DIAPH1: variants seen among roughly 807,000 people sequenced by gnomAD.
The protein encoded by DIAPH1 is diaphanous related formin 1.
In DIAPH1, 46 loss-of-function variants were observed where a neutral mutation model predicts 140.7. That is an observed-to-expected ratio of 0.33 (90% CI 0.26 to 0.42). DIAPH1 has a LOEUF of 0.42. Among genes scored for constraint, DIAPH1 ranks in the 10% least tolerant of loss-of-function variants. The pLI, the probability that DIAPH1 is intolerant of heterozygous loss-of-function variation, is 1.00. For missense variants in DIAPH1, 1,310 were observed against 1,558.7 expected, an observed-to-expected ratio of 0.84 and a Z score of 2.69; for synonymous variants, 565 against 551.6, an observed-to-expected ratio of 1.02 and a Z score of -0.34.
chr5:141,525,945 G>A (rs1361382930), intron 26 of DIAPH1, 93 bp downstream of exon 26: 1 of 1,594,460 alleles, frequency 6.3e-7, no homozygotes, highest in Non-Finnish European at 8.5e-7. Flanking sequence ...GCCAGGAGGT[G>A]AGCTCAGACA....
chr5:141,555,799 T>A (rs1221364558), intron 18 of DIAPH1, among the ~76,000 whole-genome samples: 1 of 152,184 alleles, frequency 6.6e-6, no homozygotes, highest in African/African-American at 2.4e-5. Flanking sequence ...GGTTAAAAAG[T>A]GGCCGTGCCA....
intron 20 of DIAPH1, 79 bp downstream of exon 20, chr5:141,529,524 C>T (rs1037031738): frequency 3.9e-5 from 46 of 1,179,722 alleles, no homozygotes; most frequent in Admixed American, 1.0e-4. Context: ...GAGGAGGATC[C>T]TCTTCATCTA....
At chr5:141,601,384 G>A (rs2099900118) in intron 1 of DIAPH1, among the ~76,000 whole-genome samples, 1 of 151,938 alleles carries the variant, frequency 6.6e-6, no homozygotes, top group African/African-American at 2.4e-5. Flanking sequence ...CGCCTTCTAG[G>A]TTCAAGTGAT....
rs555096481 is a variant in DIAPH1 at position 141,615,122 on chromosome 5, A to G, written c.117+3676T>C. Among the ~76,000 whole-genome samples the G allele has an allele frequency of 4.6e-5, 7 of 152,310 alleles. No homozygotes were observed. The East Asian group carries it at 1.2e-3, about 25-fold the overall frequency. ...GGAATCCAAAATTAAACTAATTTTA[A>G]TAATTTTAATAATAGTAAAAATCAT... On this transcript the variant is annotated intron_variant, in intron 1 of 27. Coordinates refer to ENST00000389054, the MANE Select transcript of DIAPH1 (RefSeq NM_005219.5).
At chr5:141,530,002 T>G (rs2099887969) in intron 19 of DIAPH1, among the ~76,000 whole-genome samples, 1 of 152,158 alleles carries the variant, frequency 6.6e-6, no homozygotes, top group Non-Finnish European at 1.5e-5. Context: ...GAGGATCACC[T>G]GAGCCCAGGA....
intron 18 of DIAPH1, 82 bp downstream of exon 18, chr5:141,571,346 A>G: frequency 8.2e-7 from 1 of 1,226,056 alleles, no homozygotes; most frequent in Non-Finnish European, 1.2e-6. Flanking sequence ...TCAGTTTTCT[A>G]ATGAGAAATT....
intron 1 of DIAPH1, among the ~76,000 whole-genome samples, chr5:141,612,672 A>G (rs944745583): frequency 1.3e-5 from 2 of 152,182 alleles, no homozygotes; most frequent in East Asian, 1.9e-4. Context: ...ACAAAGAGAG[A>G]AGGAGGAAAC....
chr5:141,604,299 A>C (rs1224775177), intron 1 of DIAPH1, among the ~76,000 whole-genome samples: 1 of 152,158 alleles, frequency 6.6e-6, no homozygotes, highest in African/African-American at 2.4e-5. Context: ...ACAAAACATA[A>C]TGTTAACCAA....
At chr5:141,543,553 G>C (rs1353375243) in intron 18 of DIAPH1, among the ~76,000 whole-genome samples, 1 of 152,148 alleles carries the variant, frequency 6.6e-6, no homozygotes, top group Non-Finnish European at 1.5e-5. Flanking sequence ...AGTAGAAATT[G>C]TACTTCAAAT....
chr5:141,576,836 G>T lies in DIAPH1; in HGVS notation c.1316C>A (p.Ser439Tyr). The T allele has an allele frequency of 1.2e-6, 2 of 1,613,598 alleles. No homozygotes were observed. The highest frequency in any genetic ancestry group is 1.7e-6 in the Non-Finnish European group (2 of 1,179,564). The change falls in exon 13 of 28, where the codon TCC (serine) becomes TAC (tyrosine). Residue 439 changes from serine (S) to tyrosine (Y), a missense_variant. Physicochemically the swap from Ser to Tyr is moderately radical, Grantham distance 144. Transcript: ENST00000389054. ...CCCGTTCTTGTGCAGAACTATCTGG[G>T]AAATACATTCTTCAATCAACTTATA... ...QYYKLIEECI[S>Y]QIVLHKNGAD... is the part of the protein sequence containing the mutation.
At chr5:141,536,748 A>G (rs1005214247) in intron 18 of DIAPH1, among the ~76,000 whole-genome samples, 3 of 152,172 alleles carry the variant, frequency 2.0e-5, no homozygotes, top group African/African-American at 7.2e-5. Flanking sequence ...TAACAAATGC[A>G]AAGGCCTGAG....
intron 1 of DIAPH1, among the ~76,000 whole-genome samples, chr5:141,601,223 T>C (rs183371826): frequency 5.1e-5 from 7 of 137,570 alleles, no homozygotes; most frequent in Admixed American, 1.5e-4. Flanking sequence ...ACTTAAAGTA[T>C]AATAAATAAA....
chr5:141,517,132 C>T (rs2099885805), intron 27 of DIAPH1, 124 bp from the exon 28 acceptor site: 1 of 1,093,770 alleles, frequency 9.1e-7, no homozygotes, highest in Non-Finnish European at 1.3e-6. Flanking sequence ...CACAGAGGCC[C>T]TTACTTTGAA....
intron 27 of DIAPH1, among the ~76,000 whole-genome samples, chr5:141,518,412 C>T (rs1369255422): frequency 6.6e-6 from 1 of 151,580 alleles, no homozygotes; most frequent in African/African-American, 2.4e-5. Flanking sequence ...ATGAAAGAGC[C>T]GAGCACTCCT....
chr5:141,616,455 C>CT (rs1473671733), intron 1 of DIAPH1, among the ~76,000 whole-genome samples: 8 of 152,160 alleles, frequency 5.3e-5, no homozygotes, highest in African/African-American at 1.4e-4. Flanking sequence ...GGCGAAAGAC[C>CT]TTTGAGTTCA....
intron 18 of DIAPH1, among the ~76,000 whole-genome samples, chr5:141,553,053 C>G (rs1394327917): frequency 6.6e-6 from 1 of 151,080 alleles, no homozygotes; most frequent in Non-Finnish European, 1.5e-5. Flanking sequence ...CTTTGGGAGG[C>G]TGACGCGGGC....
intron 1 of DIAPH1, among the ~76,000 whole-genome samples, chr5:141,596,203 CGCGTCTGTAGTGCCA>C (rs2099899297): frequency 6.6e-6 from 1 of 151,978 alleles, no homozygotes; most frequent in South Asian, 2.1e-4. Context: ...CGTGGTGGCA[CGCGTCTGTAGTGCCA>C]GCTACTCGGG....
intron 1 of DIAPH1, among the ~76,000 whole-genome samples, chr5:141,611,809 G>A (rs2099901884): frequency 6.6e-6 from 1 of 152,220 alleles, no homozygotes; most frequent in Admixed American, 6.5e-5. Flanking sequence ...GCTCACGCCT[G>A]TAATCCCAGC....
Position 141,516,633 on chromosome 5 carries a change from C to T in DIAPH1, c.*218G>A, listed in dbSNP as rs1252012818. 3.2e-5 allele frequency: 19 copies of T among 602,080 alleles called. No individual in the cohort carries two copies. Among genetic ancestry groups the T allele is most frequent in the South Asian group, 1.7e-4 (9 of 52,084 alleles). The allele number at this position is 602,080 out of a possible 1,614,324, so 37.3% of individuals were successfully genotyped here. On this transcript the variant is annotated 3_prime_UTR_variant, in exon 28 of 28. Coordinates refer to ENST00000389054, the MANE Select transcript of DIAPH1 (RefSeq NM_005219.5). ...ATACAACAGCCAGGGCTGGCTAAGT[C>T]GGGCTCAGGCCTCCCCTGCACTGCC...
Sources: allele counts gnomAD v4.1 joint callset (sites outside exome capture counted in the v4.1 genomes callset), GRCh38; gene constraint gnomAD v4.1.1; transcripts MANE v1.5; gene names NCBI Gene and HGNC (gene_info 2026-07-23, HGNC 2026-07-21).